The following BACH2 variants were observed in gnomAD, a reference collection of about 807,000 sequenced individuals.
BACH2 encodes the protein BACH transcriptional regulator 2.
Under a neutral mutation model 61.8 loss-of-function variants are expected in BACH2, and 5 were observed. That is an observed-to-expected ratio of 0.08 (90% confidence interval 0.04 to 0.17). The LOEUF is 0.17. BACH2 is among the 10% of genes least tolerant of loss of function. The probability of loss-of-function intolerance (pLI) is 1.00; values close to 1 mark genes in which losing one functional copy is unlikely to be tolerated. For missense variants in BACH2, 824 were observed against 1,091.1 expected (o/e 0.76, Z 3.45); for synonymous variants, 446 against 440.1 (o/e 1.01, Z -0.17).
chr6:90,157,083 T>A (rs545119623), intron 4 of BACH2, among the ~76,000 whole-genome samples: 3 of 152,342 alleles, frequency 2.0e-5, no homozygotes, highest in Admixed American at 1.3e-4. Context: ...TGGGTATGAC[T>A]TAACCTGACT....
At chr6:89,934,419 C>T (rs574762478) in intron 8 of BACH2, among the ~76,000 whole-genome samples, 6 of 152,108 alleles carry the variant, frequency 3.9e-5, no homozygotes, top group East Asian at 3.9e-4. Flanking sequence ...CAGCACTTTG[C>T]GGCTGAGATG....
chr6:90,121,777 C>A (rs1783637220), intron 4 of BACH2, among the ~76,000 whole-genome samples: 1 of 152,146 alleles, frequency 6.6e-6, no homozygotes, highest in African/African-American at 2.4e-5. Flanking sequence ...AACTCCTGAC[C>A]TCAGGTAATT....
At chr6:90,027,844 CAAAT>C (rs1160151173) in intron 5 of BACH2, among the ~76,000 whole-genome samples, 1 of 152,160 alleles carries the variant, frequency 6.6e-6, no homozygotes, top group Non-Finnish European at 1.5e-5. Flanking sequence ...ACAGTAAACA[CAAAT>C]AAAAGCTATT....
intron 5 of BACH2, among the ~76,000 whole-genome samples, chr6:90,037,235 A>G (rs1779304976): frequency 6.6e-6 from 1 of 152,220 alleles, no homozygotes. Flanking sequence ...TGCCCAGTGA[A>G]AAATGGGGCT....
intron 5 of BACH2, among the ~76,000 whole-genome samples, chr6:90,040,352 T>G (rs185425489): frequency 1.6e-4 from 24 of 152,282 alleles, no homozygotes; most frequent in Non-Finnish European, 3.1e-4. Context: ...TGATTTGAGA[T>G]GCTTCCTTAA....
intron 5 of BACH2, among the ~76,000 whole-genome samples, chr6:90,013,040 G>A (rs1460587833): frequency 3.9e-5 from 6 of 152,072 alleles, no homozygotes; most frequent in Non-Finnish European, 8.8e-5. Flanking sequence ...TGATGCCATT[G>A]TAAATGGCAG....
intron 4 of BACH2, among the ~76,000 whole-genome samples, chr6:90,106,581 G>T (rs566638890): frequency 7.3e-4 from 111 of 152,258 alleles, no homozygotes; most frequent in Non-Finnish European, 9.7e-4. Flanking sequence ...GCACAATGAT[G>T]AGACTGCCTA....
intron 1 of BACH2, among the ~76,000 whole-genome samples, chr6:90,289,760 G>A (rs547452743): frequency 1.8e-4 from 27 of 152,324 alleles, no homozygotes; most frequent in African/African-American, 5.3e-4. Context: ...GACAAGCTTG[G>A]AATAATCTTC....
chr6:90,247,005 G>A (rs1369543646), intron 3 of BACH2, among the ~76,000 whole-genome samples: 1 of 151,938 alleles, frequency 6.6e-6, no homozygotes, highest in Admixed American at 6.6e-5. Context: ...TCAAGTTTTT[G>A]ATATTACAAA....
chr6:90,045,126 AATAG>A (rs1779718042), intron 5 of BACH2, among the ~76,000 whole-genome samples: 1 of 152,214 alleles, frequency 6.6e-6, no homozygotes, highest in Non-Finnish European at 1.5e-5. Context: ...AGACTGGACA[AATAG>A]ATAATAAACA....
intron 4 of BACH2, among the ~76,000 whole-genome samples, chr6:90,095,646 A>C (rs1365733334): frequency 2.0e-5 from 3 of 152,188 alleles, no homozygotes; most frequent in Non-Finnish European, 2.9e-5. Flanking sequence ...GAAAAATAAA[A>C]AGTGTGATAG....
chr6:89,967,920 C>A (rs1176474009), intron 6 of BACH2, among the ~76,000 whole-genome samples: 2 of 152,188 alleles, frequency 1.3e-5, no homozygotes, highest in Middle Eastern at 3.2e-3. Flanking sequence ...TTTCAAGCAG[C>A]AACTCCCTGG....
intron 4 of BACH2, among the ~76,000 whole-genome samples, chr6:90,170,270 T>C (rs1466360346): frequency 1.3e-5 from 2 of 152,208 alleles, no homozygotes; most frequent in Non-Finnish European, 2.9e-5. Flanking sequence ...TAAAATTATT[T>C]TAAAAAGAAT....
At chr6:89,984,880 T>C (rs187342462) in intron 6 of BACH2, among the ~76,000 whole-genome samples, 7 of 152,326 alleles carry the variant, frequency 4.6e-5, no homozygotes, top group Admixed American at 3.9e-4. Context: ...GCAATACATA[T>C]TAAGATAAAC....
intron 5 of BACH2, among the ~76,000 whole-genome samples, chr6:90,076,677 C>T (rs1197546893): frequency 6.6e-6 from 1 of 152,110 alleles, no homozygotes; most frequent in Admixed American, 6.5e-5. Context: ...TCCCTCGGTA[C>T]CCTGTGCAGT....
At chr6:89,980,526 C>A (rs1377261140) in intron 6 of BACH2, among the ~76,000 whole-genome samples, 2 of 152,178 alleles carry the variant, frequency 1.3e-5, no homozygotes, top group Non-Finnish European at 2.9e-5. Flanking sequence ...GTGGCTGGTC[C>A]AGGGACATAG....
intron 4 of BACH2, among the ~76,000 whole-genome samples, chr6:90,144,488 G>A (rs1011479326): frequency 6.6e-6 from 1 of 152,196 alleles, no homozygotes; most frequent in African/African-American, 2.4e-5. Flanking sequence ...AGCTGCCATG[G>A]GTCTGGCCCC....
chr6:90,069,049 C>T (rs955153387), intron 5 of BACH2, among the ~76,000 whole-genome samples: 2 of 152,156 alleles, frequency 1.3e-5, no homozygotes, highest in East Asian at 3.9e-4. Flanking sequence ...TACTGTTACT[C>T]CCACATTTAC....
intron 6 of BACH2, chr6:89,953,144 C>T (rs1371933100): frequency 6.6e-6 from 1 of 152,228 alleles, no homozygotes; most frequent in African/African-American, 2.4e-5. Flanking sequence ...GTGTATTAAA[C>T]TCACCGCAGC....
Sources: allele counts gnomAD v4.1 joint callset (sites outside exome capture counted in the v4.1 genomes callset), GRCh38; gene constraint gnomAD v4.1.1; transcripts MANE v1.5; gene names NCBI Gene and HGNC (gene_info 2026-07-23, HGNC 2026-07-21).